Variants in FHOD3 observed in about 807,000 individuals in gnomAD.
The protein encoded by FHOD3 is formin homology 2 domain containing 3.
FHOD3 carries 90 observed loss-of-function variants against 173.0 expected under a neutral mutation model. The observed-to-expected ratio is 0.52, with a 90% CI of 0.44 to 0.62. The LOEUF (loss-of-function observed/expected upper bound fraction) is 0.62, where lower values mean the gene tolerates loss of function less well. Ranked by LOEUF, FHOD3 falls within the 20% of genes least tolerant of loss-of-function variation. The pLI, the probability that FHOD3 is intolerant of heterozygous loss-of-function variation, is 0.00. For synonymous variants in FHOD3, 828 were observed against 823.0 expected (o/e 1.01, Z -0.10); for missense variants, 1,945 against 2,034.7 (o/e 0.96, Z 0.85).
At position 36,391,858 on chromosome 18, in the gene FHOD3, G is replaced by T. The variant is rs114034960; in HGVS notation, c.337+19114G>T. ...CTGACTGTGTTGGTGCCTCCCCTGTGTCTGCTGACTCCTACTCAATTCTTA... is the reference window on the plus strand; with the variant it reads ...CTGACTGTGTTGGTGCCTCCCCTGTTTCTGCTGACTCCTACTCAATTCTTA... On this transcript the variant is annotated intron_variant, in intron 3 of 28. Transcript: ENST00000590592. Among the ~76,000 whole-genome samples, 1,240 of 152,256 alleles carry T rather than the reference G, an allele frequency of 8.1e-3. 13 individuals carry two copies. The highest frequency in any genetic ancestry group is 0.028 in the African/African-American group (1,152 of 41,542).
intron 3 of FHOD3, among the ~76,000 whole-genome samples, chr18:36,437,709 G>A (rs2050893238): frequency 7.4e-6 from 1 of 134,722 alleles, no homozygotes; most frequent in South Asian, 2.4e-4. Flanking sequence ...CTGTCGCCAG[G>A]CTGGAGTGCA....
chr18:36,366,536 G>C (rs893490109), intron 2 of FHOD3, among the ~76,000 whole-genome samples: 1 of 152,210 alleles, frequency 6.6e-6, no homozygotes, highest in African/African-American at 2.4e-5. Flanking sequence ...AAGGCTCAGA[G>C]AGGTTAAGTA....
At position 36,344,054 on chromosome 18, in the gene FHOD3, T is replaced by C. The variant is rs553927233; in HGVS notation, c.166-11485T>C. Among the ~76,000 whole-genome samples the C allele has an allele frequency of 3.3e-5, 5 of 152,330 alleles. No individual in the cohort carries two copies. In the East Asian group the frequency reaches 5.8e-4, roughly 18 times the overall value. On this transcript the variant is annotated intron_variant, in intron 1 of 28. Transcript: ENST00000590592. ...GAATATACTATAAGCCGGAGAATTA[T>C]GCACTTGAAATAGGTGAATTATGTG...
At chr18:36,749,939 T>C (rs546958687) in intron 24 of FHOD3, among the ~76,000 whole-genome samples, 1 of 152,310 alleles carries the variant, frequency 6.6e-6, no homozygotes, top group African/African-American at 2.4e-5. Flanking sequence ...ATCAGTGATG[T>C]TGAGCCTTTT....
At chr18:36,477,145 A>G (rs542613778) in intron 3 of FHOD3, among the ~76,000 whole-genome samples, 1 of 152,186 alleles carries the variant, frequency 6.6e-6, no homozygotes, top group East Asian at 1.9e-4. Context: ...ATCCAGGAGA[A>G]GGTGAGGAAG....
chr18:36,743,578 T>C (rs550980102), intron 22 of FHOD3, among the ~76,000 whole-genome samples: 1 of 152,318 alleles, frequency 6.6e-6, no homozygotes, highest in South Asian at 2.1e-4. Context: ...TTGCAAGATA[T>C]ACAGGTTTGT....
chr18:36,413,232 A>G (rs1221355107), intron 3 of FHOD3, among the ~76,000 whole-genome samples: 2 of 152,342 alleles, frequency 1.3e-5, no homozygotes, highest in South Asian at 4.1e-4. Flanking sequence ...ATGGGTGGAC[A>G]GCGATGTCAC....
chr18:36,422,561 A>G lies in FHOD3; in HGVS notation c.337+49817A>G, dbSNP rs1204990970. On this transcript the variant is annotated intron_variant, in intron 3 of 28. Coordinates refer to ENST00000590592, the MANE Select transcript of FHOD3 (RefSeq NM_001281740.3). ...TTGCAATTTTGATAGATGATATCAA[A>G]TTGCCTTCCATAGGGCTTGTTCTAA... is the stretch of plus-strand genomic sequence containing the variant. Among the ~76,000 whole-genome samples the G allele has an allele frequency of 3.9e-5, 6 of 152,270 alleles. No individual in the cohort carries two copies. The South Asian group carries it at 1.0e-3, about 26-fold the overall frequency.
rs75961518 is a variant in FHOD3 at position 36,438,422 on chromosome 18, C to T, written c.338-63510C>T. On this transcript the variant is annotated intron_variant, in intron 3 of 28. Transcript: ENST00000590592. ...TCGTTTAAAAACTTCCCTCTCCCACCGGCTCCCCTGCTTTCTCCCTCTCTC... is the reference window on the plus strand; with the variant it reads ...TCGTTTAAAAACTTCCCTCTCCCACTGGCTCCCCTGCTTTCTCCCTCTCTC... 5.5e-3 allele frequency among the ~76,000 whole-genome samples: 832 copies of T among 152,270 alleles called. 5 individuals carry two copies. The highest frequency in any genetic ancestry group is 0.027 in the Middle Eastern group (8 of 292).
intron 3 of FHOD3, among the ~76,000 whole-genome samples, chr18:36,457,272 G>A (rs563928514): frequency 1.5e-4 from 23 of 152,162 alleles, no homozygotes; most frequent in African/African-American, 5.3e-4. Context: ...CTGGACTTGC[G>A]TTTTTTAATA....
rs372428938 is a variant in FHOD3 at position 36,404,610 on chromosome 18, C to T, written c.337+31866C>T. ...CAGATTTGGTAGGTCTCGGGCGGGGCCTGAGATCCTGAATTTCTGACAAGC... is the reference window on the plus strand; with the variant it reads ...CAGATTTGGTAGGTCTCGGGCGGGGTCTGAGATCCTGAATTTCTGACAAGC... On this transcript the variant is annotated intron_variant, in intron 3 of 28. Transcript: ENST00000590592. 5.6e-4 allele frequency among the ~76,000 whole-genome samples: 85 copies of T among 152,182 alleles called. 1 individual carries two copies. Among genetic ancestry groups the T allele is most frequent in the African/African-American group, 2.0e-3 (82 of 41,516 alleles).
intron 1 of FHOD3, among the ~76,000 whole-genome samples, chr18:36,299,233 A>G (rs906701952): frequency 1.3e-5 from 2 of 152,132 alleles, no homozygotes; most frequent in South Asian, 2.1e-4. Flanking sequence ...GGGCATTTCC[A>G]TCTCATTCTC....
intron 1 of FHOD3, among the ~76,000 whole-genome samples, chr18:36,339,236 G>A (rs2045486637): frequency 6.6e-6 from 1 of 152,076 alleles, no homozygotes; most frequent in Non-Finnish European, 1.5e-5. Context: ...AGGGCACTGG[G>A]CAGTAGGGTC....
chr18:36,463,390 AT>A (rs2052688923), intron 3 of FHOD3, among the ~76,000 whole-genome samples: 2 of 36 alleles, frequency 0.056, no homozygotes, highest in Non-Finnish European at 0.1. Context: ...ATTTAAAAAA[AT>A]AATATATATT....
chr18:36,759,150 A>G lies in FHOD3; in HGVS notation c.4449+9A>G, dbSNP rs1311185545. 1 of 1,535,780 alleles carries G rather than the reference A, an allele frequency of 6.5e-7. No homozygotes were observed. The highest frequency in any genetic ancestry group is 1.2e-5 in the South Asian group (1 of 84,058). On this transcript the variant is annotated intron_variant, in intron 26 of 28. Transcript: ENST00000590592. Reference sequence around the variant, plus strand: ...AGGAGGAGGAAGTTGAGGTATGACCATTTATGAACATGAAGAATGCCACAT... The same window carrying G: ...AGGAGGAGGAAGTTGAGGTATGACCGTTTATGAACATGAAGAATGCCACAT...
intron 6 of FHOD3, among the ~76,000 whole-genome samples, chr18:36,586,940 T>C (rs1377808222): frequency 6.6e-6 from 1 of 152,108 alleles, no homozygotes; most frequent in Non-Finnish European, 1.5e-5. Flanking sequence ...CTTTCCCTGA[T>C]TGGTGCTGTG....
At chr18:36,578,608 T>G (rs2058740353) in intron 6 of FHOD3, among the ~76,000 whole-genome samples, 1 of 152,132 alleles carries the variant, frequency 6.6e-6, no homozygotes, top group South Asian at 2.1e-4. Flanking sequence ...GGGGAGTCCA[T>G]CCCCTGGCCC....
rs529855125 is a variant in FHOD3, at chr18:36,606,039, C to T, written c.813+3271C>T. On this transcript the variant is annotated intron_variant, in intron 8 of 28. Coordinates refer to ENST00000590592, the MANE Select transcript of FHOD3 (RefSeq NM_001281740.3). Reference sequence around the variant, plus strand: ...TACAATGAGTAACAAGAGGGGTTACCGTGAGGCTGGCTTAGGGTGTTCAGG... The same window carrying T: ...TACAATGAGTAACAAGAGGGGTTACTGTGAGGCTGGCTTAGGGTGTTCAGG... Among the ~76,000 whole-genome samples, 89 of 152,146 alleles carry T rather than the reference C, an allele frequency of 5.8e-4. No homozygotes were observed. In the Middle Eastern group the frequency reaches 0.027, roughly 47 times the overall value.
chr18:36,706,904 C>A (rs2039914591), intron 17 of FHOD3, among the ~76,000 whole-genome samples: 1 of 152,210 alleles, frequency 6.6e-6, no homozygotes, highest in African/African-American at 2.4e-5. Context: ...TTCTGTCAAC[C>A]AAATGATGAC....
Sources: gnomAD v4.1 joint callset for allele counts (sites outside exome capture counted in the v4.1 genomes callset) on GRCh38, gnomAD v4.1.1 for gene constraint, MANE v1.5 for transcripts, NCBI Gene and HGNC (gene_info 2026-07-23, HGNC 2026-07-21) for gene names.